MIOX: variants seen among roughly 807,000 people sequenced by gnomAD.
MIOX encodes inositol oxygenase.
In MIOX, 51 loss-of-function variants were observed where a neutral mutation model predicts 42.7. The ratio of observed to expected loss-of-function variants is 1.19; its 90% CI spans 0.95 to 1.51. The LOEUF is 1.51. Among genes scored for constraint, MIOX ranks in the 40% most tolerant of loss-of-function variants. MIOX has a pLI of 0.00. For synonymous variants in MIOX, 168 were observed against 154.4 expected (o/e 1.09, Z -0.65); for missense variants, 395 against 381.3 (o/e 1.04, Z -0.30).
In MIOX at chr22:50,489,775, G is replaced by C; in HGVS notation, c.777G>C (p.Pro259=). 1.2e-6 allele frequency: 2 copies of C among 1,612,186 alleles called. No homozygotes were observed. The highest frequency in any genetic ancestry group is 1.7e-6 in the Non-Finnish European group (2 of 1,179,922). ...FNKFDLYTKC[P]DLPDVDKLRP... ...AGTTCGACCTCTACACCAAGTGCCCGGACCTGCCGGACGTGGACAAGCTGC... is the reference window on the plus strand; with the variant it reads ...AGTTCGACCTCTACACCAAGTGCCCCGACCTGCCGGACGTGGACAAGCTGC... The change falls in exon 10 of 10, where the codon CCG becomes CCC. Residue 259 remains proline (P), a synonymous_variant. Transcript: ENST00000216075.
rs960982359 is a variant in MIOX at position 50,487,580 on chromosome 22, C to T, written c.97-82C>T. Reference sequence around the variant, plus strand: ...GTGGGAACTCCCACCCCCATCACACCCTGTGGGGCTGCCTGGGAGAGGGGA... The same window carrying T: ...GTGGGAACTCCCACCCCCATCACACTCTGTGGGGCTGCCTGGGAGAGGGGA... On this transcript the variant is annotated intron_variant, in intron 2 of 9. Coordinates refer to ENST00000216075, the MANE Select transcript of MIOX (RefSeq NM_017584.6). 2.6e-6 allele frequency: 4 copies of T among 1,548,348 alleles called. No individual in the cohort carries two copies. In the African/African-American group the frequency reaches 5.4e-5, roughly 21 times the overall value.
Position 50,489,769 on chromosome 22 carries a change from G to A in MIOX, c.771G>A (p.Lys257=), listed in dbSNP as rs137864729. ...GCAGCAAGTTCGACCTCTACACCAA[G>A]TGCCCGGACCTGCCGGACGTGGACA... The part of the protein sequence containing the change: ...REFNKFDLYT[K]CPDLPDVDKL... Residue 257 remains lysine, a synonymous_variant, in exon 10 of 10, where the codon AAG becomes AAA. Transcript: ENST00000216075. The A allele has an allele frequency of 2.5e-5, 41 of 1,612,152 alleles. No homozygotes were observed. The highest frequency in any genetic ancestry group is 3.2e-5 in the Non-Finnish European group (38 of 1,179,938).
chr22:50,489,698 T>C, intron 9 of MIOX, 50 bp from the exon 10 acceptor site: 3 of 845,380 alleles, frequency 3.5e-6, no homozygotes, highest in Non-Finnish European at 3.4e-6. Flanking sequence ...GGGGGTTGGG[T>C]GGGGGGCCTG....
Position 50,488,298 on chromosome 22 carries a change from C to A in MIOX, c.364C>A (p.Leu122Met), listed in dbSNP as rs1420033845. Residue 122 changes from leucine to methionine, a missense_variant, in exon 5 of 10, where the codon CTG becomes ATG. Transcript: ENST00000216075. ...DKDWFHLVGL[L>M]HDLGKVLALF... ...AGACTGGTTCCACCTCGTCGGGCTC[C>A]TGCACGACCTGGGGAAGGTCCTGGC... 6.2e-7 allele frequency: 1 copy of A among 1,613,168 alleles called. No individual in the cohort carries two copies. Among genetic ancestry groups the A allele is most frequent in the Admixed American group, 1.7e-5 (1 of 59,866 alleles).
intron 1 of MIOX, 22 bp from the exon 2 acceptor site, chr22:50,487,363 G>T (rs1027503124): frequency 6.3e-7 from 1 of 1,596,400 alleles, no homozygotes; most frequent in Non-Finnish European, 8.6e-7. Flanking sequence ...GGTGAAATAG[G>T]TTCAATCCTC....
chr22:50,487,630 G>A lies in MIOX; in HGVS notation c.97-32G>A, dbSNP rs750945165. 7 of 1,601,338 alleles carry A rather than the reference G, an allele frequency of 4.4e-6. No homozygotes were observed. In the East Asian group the frequency reaches 8.9e-5, roughly 20 times the overall value. ...AGGCATGGGGCCTCGTGTGCAGGGT[G>A]GGGGTGGCGCCACTGACCCTCCGGC... On this transcript the variant is annotated intron_variant, in intron 2 of 9. Transcript: ENST00000216075.
At chr22:50,488,640 GCACCACTCCCCCC>G (rs1556449320) in intron 5 of MIOX, among the ~76,000 whole-genome samples, 2 of 90,534 alleles carry the variant, frequency 2.2e-5, no homozygotes. Flanking sequence ...CGGCCTCCCC[GCACCACTCCCCCC>G]ACGGCCCCCC....
rs752768798 is a variant in MIOX, at chr22:50,489,807, A to C, written c.809A>C (p.Tyr270Ser). ...CCGGACGTGGACAAGCTGCGGCCCT[A>C]CTACCAGGGGCTCATTGACAAGTAC... ...DLPDVDKLRP[Y>S]YQGLIDKYCP... The change falls in exon 10 of 10, where the codon TAC becomes TCC. Residue 270 changes from tyrosine (Y) to serine (S), a missense_variant. Tyr to Ser is a moderately radical substitution (Grantham distance 144, BLOSUM62 -2). Coordinates refer to ENST00000216075, the MANE Select transcript of MIOX (RefSeq NM_017584.6). 9.9e-6 allele frequency: 16 copies of C among 1,611,926 alleles called. No homozygotes were observed. In the South Asian group the frequency reaches 1.4e-4, roughly 14 times the overall value.
chr22:50,489,698 TGGGGGGCCTG>T, intron 9 of MIOX, 40 bp from the exon 10 acceptor site: 1 of 845,380 alleles, frequency 1.2e-6, no homozygotes, highest in South Asian at 1.6e-5. Flanking sequence ...GGGGGTTGGG[TGGGGGGCCTG>T]GGGGTTCTTC....
chr22:50,488,232 G>A, intron 4 of MIOX, 43 bp from the exon 5 acceptor site: 1 of 1,612,574 alleles, frequency 6.2e-7, no homozygotes, highest in Non-Finnish European at 8.5e-7. Context: ...CCTCTGCCTT[G>A]GCCCCTGCAG....
At position 50,490,102 on chromosome 22, in the gene MIOX, G is replaced by A; in HGVS notation, c.*246G>A. 1.8e-6 allele frequency: 1 copy of A among 543,134 alleles called. No individual in the cohort carries two copies. The highest frequency in any genetic ancestry group is 3.3e-6 in the Non-Finnish European group (1 of 299,764). The allele number at this position is 543,134 out of a possible 1,614,324, so 33.6% of individuals were successfully genotyped here. A position where few individuals can be genotyped will look rare whatever the true frequency, so the allele number is the denominator to read the frequency against. ...GGCGTGGCCCAGGCCGAGGGATGGT[G>A]CCAGCAGGGTGGAGGCCAAGTCCCA... On this transcript the variant is annotated 3_prime_UTR_variant, in exon 10 of 10. Transcript: ENST00000216075.
In MIOX at chr22:50,487,756, G is replaced by A. The variant is rs746932940; in HGVS notation, c.177+14G>A. 7 of 1,613,486 alleles carry A rather than the reference G, an allele frequency of 4.3e-6. No homozygotes were observed. Among genetic ancestry groups the A allele is most frequent in the Non-Finnish European group, 5.9e-6 (7 of 1,179,776 alleles). ...GTCAGGAGCAAGGTAGGCGTTTCCT[G>A]CCGCCCCGTGCAAACGCGGAGGGAC... On this transcript the variant is annotated intron_variant, in intron 3 of 9. Transcript: ENST00000216075.
chr22:50,487,871 C>G lies in MIOX; in HGVS notation c.178-15C>G. The G allele has an allele frequency of 6.2e-7, 1 of 1,613,496 alleles. No individual in the cohort carries two copies. Among genetic ancestry groups the G allele is most frequent in the Non-Finnish European group, 8.5e-7 (1 of 1,179,712 alleles). The stretch of plus-strand genomic sequence containing the variant: ...TGCTGACCCTGGGCCACACTGCCTT[C>G]TCCTTCCCCGCCAGCATGCCCAGTT... On this transcript the variant is annotated splice_polypyrimidine_tract_variant and intron_variant, in intron 3 of 9. Transcript: ENST00000216075.
Position 50,488,286 on chromosome 22 carries a change from C to T in MIOX, c.352C>T (p.Leu118Phe). 3.1e-6 allele frequency: 5 copies of T among 1,613,306 alleles called. No individual in the cohort carries two copies. Among genetic ancestry groups the T allele is most frequent in the East Asian group, 2.2e-5 (1 of 44,886 alleles). ...CATCCCCCTCCCAGACTGGTTCCAC[C>T]TCGTCGGGCTCCTGCACGACCTGGG... ...KAHPDKDWFH[L>F]VGLLHDLGKV... is the part of the protein sequence containing the mutation. Residue 118 changes from leucine to phenylalanine, a missense_variant, in exon 5 of 10, where the codon CTC becomes TTC. By Grantham distance (22) the Leu-to-Phe change is conservative (BLOSUM62 0). Coordinates refer to ENST00000216075, the MANE Select transcript of MIOX (RefSeq NM_017584.6).
rs572184938 is a variant in MIOX, at chr22:50,490,181, C to A, written c.*325C>A. ...CTGGCCGTGGTAAACATCTGCCCAT[C>A]CTCCCAGCTCCTGTGTCAGAGCCTG... On this transcript the variant is annotated 3_prime_UTR_variant, in exon 10 of 10. Coordinates refer to ENST00000216075, the MANE Select transcript of MIOX (RefSeq NM_017584.6). The A allele has an allele frequency of 2.7e-6, 1 of 365,442 alleles. No individual in the cohort carries two copies. Among genetic ancestry groups the A allele is most frequent in the African/African-American group, 2.0e-5 (1 of 48,932 alleles). 22.6% of individuals were successfully genotyped at this position (365,442 alleles called of 1,614,324 possible).
At position 50,490,090 on chromosome 22, in the gene MIOX, C is replaced by T; in HGVS notation, c.*234C>T. On this transcript the variant is annotated 3_prime_UTR_variant, in exon 10 of 10. Transcript: ENST00000216075. ...TTACTGCAGCAGGGCGTGGCCCAGG[C>T]CGAGGGATGGTGCCAGCAGGGTGGA... 1.8e-6 allele frequency: 1 copy of T among 558,464 alleles called. No homozygotes were observed. Among genetic ancestry groups the T allele is most frequent in the Non-Finnish European group, 3.2e-6 (1 of 309,556 alleles). 34.6% of individuals were successfully genotyped at this position (558,464 alleles called of 1,614,324 possible). A position where few individuals can be genotyped will look rare whatever the true frequency, so the allele number is the denominator to read the frequency against.
chr22:50,487,575 C>G, intron 2 of MIOX, 87 bp from the exon 3 acceptor site: 1 of 1,542,034 alleles, frequency 6.5e-7, no homozygotes, highest in South Asian at 1.2e-5. Flanking sequence ...CCACCCCCAT[C>G]ACACCCTGTG....
At position 50,490,618 on chromosome 22, in the gene MIOX, C is replaced by A. The variant is rs1354886390; in HGVS notation, c.*762C>A. 1.3e-5 allele frequency: 2 copies of A among 151,688 alleles called. No individual in the cohort carries two copies. The highest frequency in any genetic ancestry group is 2.9e-5 in the Non-Finnish European group (2 of 67,990). The allele number at this position is 151,688 out of a possible 1,614,324, so 9.4% of individuals were successfully genotyped here. ...GGGTATCAAGAGTGAAATTCCATCT[C>A]AAAAAAAATAAATAAAATAAAATAA... On this transcript the variant is annotated 3_prime_UTR_variant, in exon 10 of 10. Coordinates refer to ENST00000216075, the MANE Select transcript of MIOX (RefSeq NM_017584.6).
Position 50,489,642 on chromosome 22 carries a change from C to G in MIOX, c.747C>G (p.Phe249Leu). The change falls in exon 9 of 10, where the codon TTC (phenylalanine) becomes TTG (leucine). Residue 249 changes from phenylalanine to leucine, a missense_variant and splice_region_variant. Phe to Leu is a conservative substitution (Grantham distance 22). Transcript: ENST00000216075. ...CCATGCTGCCCTGGGTGCGGGAGTTCAAGTACGCCCCGCTACCCGCCGAGG... is the reference window on the plus strand; with the variant it reads ...CCATGCTGCCCTGGGTGCGGGAGTTGAAGTACGCCCCGCTACCCGCCGAGG... ...DLAMLPWVRE[F>L]NKFDLYTKCP... 5.0e-6 allele frequency: 8 copies of G among 1,586,586 alleles called. No individual in the cohort carries two copies. Among genetic ancestry groups the G allele is most frequent in the Non-Finnish European group, 6.0e-6 (7 of 1,165,508 alleles).
Sources: gnomAD v4.1 joint callset for allele counts (sites outside exome capture counted in the v4.1 genomes callset) on GRCh38, gnomAD v4.1.1 for gene constraint, MANE v1.5 for transcripts, NCBI Gene and HGNC (gene_info 2026-07-23, HGNC 2026-07-21) for gene names.